The following ARRB1 variants were observed in gnomAD, a reference collection of about 807,000 sequenced individuals.
The protein encoded by ARRB1 is arrestin beta 1, also known as beta-arrestin-1.
In ARRB1, 21 loss-of-function variants were observed where a neutral mutation model predicts 56.8. The observed-to-expected ratio is 0.37, with a 90% CI of 0.26 to 0.53. ARRB1 has a LOEUF of 0.53. Ranked by LOEUF, ARRB1 falls within the 20% of genes least tolerant of loss-of-function variation. ARRB1 has a pLI of 0.88. For missense variants in ARRB1, 424 were observed against 553.7 expected (o/e 0.77, Z 2.35); for synonymous variants, 210 against 218.6 (o/e 0.96, Z 0.35).
chr11:75,318,129 G>C (rs1248846451), intron 1 of ARRB1, among the ~76,000 whole-genome samples: 2 of 151,314 alleles, frequency 1.3e-5, no homozygotes, highest in African/African-American at 4.9e-5. Flanking sequence ...ATGTCGGCCT[G>C]GGAATAAGCA....
chr11:75,273,983 G>A, intron 11 of ARRB1, 91 bp downstream of exon 11: 1 of 1,580,970 alleles, frequency 6.3e-7, no homozygotes, highest in African/African-American at 1.3e-5. Context: ...GGTAGCCTGA[G>A]CCTTGTCTTT....
At chr11:75,316,094 G>A (rs1391282675) in intron 1 of ARRB1, among the ~76,000 whole-genome samples, 7 of 152,240 alleles carry the variant, frequency 4.6e-5, no homozygotes, top group South Asian at 4.2e-4. Flanking sequence ...TTAGGAGGCC[G>A]AGGCAGACAG....
intron 10 of ARRB1, among the ~76,000 whole-genome samples, chr11:75,276,128 G>A (rs745533291): frequency 3.9e-5 from 6 of 152,058 alleles, no homozygotes; most frequent in Non-Finnish European, 8.8e-5. Context: ...AAGAAATACT[G>A]ATTGGAATTA....
Position 75,274,131 on chromosome 11 carries a change from C to G in ARRB1, c.857G>C (p.Gly286Ala). The G allele has an allele frequency of 6.2e-7, 1 of 1,614,196 alleles. No homozygotes were observed. Among genetic ancestry groups the G allele is most frequent in the East Asian group, 2.2e-5 (1 of 44,870 alleles). ...PFLANNREKR[G>A]LALDGKLKHE... ...CTTGAGCTTCCCGTCCAAGGCGAGG[C>G]CCCGCTTCTCTCGGTTATTGGCTAG... Residue 286 changes from glycine to alanine, a missense_variant, in exon 11 of 16, where the codon GGC becomes GCC. Transcript: ENST00000420843.
chr11:75,286,386 C>G (rs1300459234), intron 3 of ARRB1, among the ~76,000 whole-genome samples: 1 of 151,232 alleles, frequency 6.6e-6, no homozygotes, highest in Non-Finnish European at 1.5e-5. Context: ...TCATGCCTCA[C>G]CCACCCCAGT....
At chr11:75,336,153 T>C (rs1157624849) in intron 1 of ARRB1, among the ~76,000 whole-genome samples, 2 of 151,976 alleles carry the variant, frequency 1.3e-5, no homozygotes, top group Admixed American at 6.6e-5. Flanking sequence ...ACTCAGTAGG[T>C]TGAGGAAGAA....
At chr11:75,301,455 C>G (rs918393709) in intron 1 of ARRB1, among the ~76,000 whole-genome samples, 38 of 152,324 alleles carry the variant, frequency 2.5e-4, no homozygotes, top group African/African-American at 8.9e-4. Flanking sequence ...GGCTAAGGAA[C>G]TTGGACCTTA....
chr11:75,333,544 A>G (rs1013892409), intron 1 of ARRB1, among the ~76,000 whole-genome samples: 2 of 152,228 alleles, frequency 1.3e-5, no homozygotes, highest in African/African-American at 4.8e-5. Context: ...GTCATGGGGC[A>G]GGAGAGGGAC....
intron 15 of ARRB1, 149 bp from the exon 16 acceptor site, chr11:75,266,423 A>C (rs1253790145): frequency 1.5e-6 from 1 of 657,456 alleles, no homozygotes; most frequent in Non-Finnish European, 2.7e-6. Context: ...GGGGCTGACC[A>C]TGAGCAGAAA....
intron 1 of ARRB1, among the ~76,000 whole-genome samples, chr11:75,335,721 GCTGGAATCCTGGGC>G (rs951009968): frequency 2.7e-4 from 41 of 152,276 alleles, no homozygotes; most frequent in African/African-American, 7.2e-4. Context: ...CCATGCCTGG[GCTGGAATCCTGGGC>G]CTGGAATCCT....
intron 1 of ARRB1, among the ~76,000 whole-genome samples, chr11:75,316,069 TG>T (rs1471883925): frequency 6.6e-6 from 1 of 152,194 alleles, no homozygotes; most frequent in African/African-American, 2.4e-5. Flanking sequence ...GGCTCATGCC[TG>T]TAATCCCAGC....
chr11:75,282,312 C>A (rs902552662), intron 5 of ARRB1, among the ~76,000 whole-genome samples: 1 of 152,204 alleles, frequency 6.6e-6, no homozygotes, highest in African/African-American at 2.4e-5. Flanking sequence ...GATGTCCACA[C>A]CCTAATCGCC....
intron 6 of ARRB1, 57 bp from the exon 7 acceptor site, chr11:75,281,199 C>A (rs886311328): frequency 3.0e-5 from 44 of 1,489,908 alleles, no homozygotes; most frequent in Non-Finnish European, 3.9e-5. Flanking sequence ...CCCCAGTACA[C>A]AGCCAGCCCA....
rs781081463 is a variant in ARRB1, at chr11:75,278,669, G to A, written c.558C>T (p.Thr186=). 1.2e-6 allele frequency: 2 copies of A among 1,614,190 alleles called. No individual in the cohort carries two copies. The highest frequency in any genetic ancestry group is 2.2e-5 in the South Asian group (2 of 91,090). The change falls in exon 8 of 16, where the codon ACC becomes ACT. Residue 186 remains threonine (T), a synonymous_variant. Transcript: ENST00000420843. The stretch of plus-strand genomic sequence containing the variant: ...TGTCCGACATGAGGAACTGCCTGGT[G>A]GTCTCGGCTGTGGGCTGGGGGCCAG... ...ERPGPQPTAE[T]TRQFLMSDKP...
chr11:75,266,101 C>T lies in ARRB1; in HGVS notation c.*62G>A, dbSNP rs968445772. 20 of 1,372,220 alleles carry T rather than the reference C, an allele frequency of 1.5e-5. No individual in the cohort carries two copies. Among genetic ancestry groups the T allele is most frequent in the Middle Eastern group, 2.1e-4 (1 of 4,776 alleles). The allele number at this position is 1,372,220 out of a possible 1,614,324, so 85.0% of individuals were successfully genotyped here. On this transcript the variant is annotated 3_prime_UTR_variant, in exon 16 of 16. Transcript: ENST00000420843. ...AAAAGAAACCAGAACAGGAAGAAGA[C>T]GAGTAAGCATCCGAGTGCACGAGAG...
chr11:75,287,135 T>C (rs1211893961), intron 3 of ARRB1, among the ~76,000 whole-genome samples, 180 bp downstream of exon 3: 2 of 152,164 alleles, frequency 1.3e-5, no homozygotes, highest in Non-Finnish European at 2.9e-5. Context: ...CCACAGTCTC[T>C]TCTTGCAGTC....
chr11:75,347,054 T>C lies in ARRB1; in HGVS notation c.20+4534A>G, dbSNP rs137864643. Among the ~76,000 whole-genome samples, 291 of 152,388 alleles carry C rather than the reference T, an allele frequency of 1.9e-3. 1 individual carries two copies. Among genetic ancestry groups the C allele is most frequent in the African/African-American group, 6.8e-3 (284 of 41,600 alleles). On this transcript the variant is annotated intron_variant, in intron 1 of 15. Transcript: ENST00000420843. ...GGTGTGCTGACTCCCAGCCTGCTGT[T>C]CTACTGCCACCAACCCAAAGTGTCA...
At position 75,299,427 on chromosome 11, in the gene ARRB1, T is replaced by A. The variant is rs944678430; in HGVS notation, c.21-9388A>T. Among the ~76,000 whole-genome samples, 37 of 151,654 alleles carry A rather than the reference T, an allele frequency of 2.4e-4. 1 individual carries two copies. The highest frequency in any genetic ancestry group is 2.3e-3 in the Admixed American group (35 of 15,224). On this transcript the variant is annotated intron_variant, in intron 1 of 15. Coordinates refer to ENST00000420843, the MANE Select transcript of ARRB1 (RefSeq NM_004041.5). ...TCCCTAACAAGATATGTCTCAAGTC[T>A]TGGAGAAAGGAGAATCTAGGAAAAA...
chr11:75,289,017 G>A (rs1247155452), intron 2 of ARRB1, among the ~76,000 whole-genome samples: 2 of 152,190 alleles, frequency 1.3e-5, no homozygotes, highest in African/African-American at 4.8e-5. Context: ...GGCGGGGAGA[G>A]GGGACGGGGA....
Sources: allele counts gnomAD v4.1 joint callset (sites outside exome capture counted in the v4.1 genomes callset), GRCh38; gene constraint gnomAD v4.1.1; transcripts MANE v1.5; gene names NCBI Gene and HGNC (gene_info 2026-07-23, HGNC 2026-07-21).